The following TLN2 variants were observed in gnomAD, a reference collection of about 807,000 sequenced individuals.
TLN2 encodes talin 2.
Under a neutral mutation model 294.7 loss-of-function variants are expected in TLN2, and 118 were observed. The observed-to-expected ratio is 0.40, with a 90% CI of 0.34 to 0.47. The LOEUF (loss-of-function observed/expected upper bound fraction) is 0.47, where lower values mean the gene tolerates loss of function less well. Ranked by LOEUF, TLN2 falls within the 20% of genes least tolerant of loss-of-function variation. TLN2 has a pLI of 0.84. For missense variants in TLN2, 3,083 were observed against 3,282.2 expected (o/e 0.94, Z 1.48); for synonymous variants, 1,431 against 1,304.5 (o/e 1.10, Z -2.09).
chr15:62,825,852 T>TTATAA (rs2068126120), intron 54 of TLN2, among the ~76,000 whole-genome samples: 1 of 89,552 alleles, frequency 1.1e-5, no homozygotes, highest in Admixed American at 1.7e-4. Flanking sequence ...TATAAATATA[T>TTATAA]TATATATATA....
chr15:62,552,499 T>C (rs1201970709), intron 1 of TLN2, among the ~76,000 whole-genome samples: 2 of 152,202 alleles, frequency 1.3e-5, no homozygotes, highest in African/African-American at 4.8e-5. Context: ...GTTTTAGCTC[T>C]CATACTGTAC....
intron 40 of TLN2, 135 bp downstream of exon 40, chr15:62,763,830 T>C: frequency 7.6e-7 from 1 of 1,321,298 alleles, no homozygotes; most frequent in Non-Finnish European, 1.0e-6. Flanking sequence ...ACAGCCATTC[T>C]CTGTGGAGCC....
Position 62,655,986 on chromosome 15 carries a change from T to G in TLN2, c.560T>G (p.Val187Gly). 2 of 1,614,008 alleles carry G rather than the reference T, an allele frequency of 1.2e-6. No homozygotes were observed. The highest frequency in any genetic ancestry group is 1.7e-6 in the Non-Finnish European group (2 of 1,179,994). Residue 187 changes from valine (V) to glycine (G), a missense_variant, in exon 8 of 59, where the codon GTA (valine) becomes GGA (glycine). Transcript: ENST00000636159. The part of the protein sequence containing the change: ...DHSRTFREQG[V>G]DENETLLLRR... ...AGCCGAACATTCAGAGAACAAGGAG[T>G]AGATGAAAACGAAACGTTGCTGCTT...
chr15:62,764,132 G>C (rs2062845581), intron 40 of TLN2, among the ~76,000 whole-genome samples: 2 of 152,204 alleles, frequency 1.3e-5, no homozygotes, highest in Admixed American at 6.5e-5. Context: ...GGTCTGTTCA[G>C]AGATCAAGGA....
At chr15:62,560,348 C>A (rs556661097) in intron 1 of TLN2, among the ~76,000 whole-genome samples, 1 of 152,142 alleles carries the variant, frequency 6.6e-6, no homozygotes, top group Non-Finnish European at 1.5e-5. Context: ...TCAAGTGATT[C>A]TGCTGCCTCA....
chr15:62,701,978 C>T lies in TLN2; in HGVS notation c.1697-14C>T. 1.2e-6 allele frequency: 2 copies of T among 1,613,604 alleles called. No individual in the cohort carries two copies. The highest frequency in any genetic ancestry group is 1.7e-6 in the Non-Finnish European group (2 of 1,179,936). ...GTGCCCTCCTTTGATGGGGATGGTT[C>T]TTTTCTGTGCCAGGTGACCCTGCAG... On this transcript the variant is annotated splice_polypyrimidine_tract_variant and intron_variant, in intron 17 of 58. Coordinates refer to ENST00000636159, the MANE Select transcript of TLN2 (RefSeq NM_015059.3).
chr15:62,825,888 T>A (rs2141225431), intron 54 of TLN2, among the ~76,000 whole-genome samples: 1 of 115,258 alleles, frequency 8.7e-6, no homozygotes, highest in East Asian at 2.2e-4. Flanking sequence ...ATATAATAAG[T>A]CAGGCATGGT....
At chr15:62,737,540 A>C (rs1172227233) in intron 29 of TLN2, among the ~76,000 whole-genome samples, 1 of 152,236 alleles carries the variant, frequency 6.6e-6, no homozygotes, top group East Asian at 1.9e-4. Flanking sequence ...GCATCCAGGC[A>C]GAGTCCTGGA....
chr15:62,773,541 C>G (rs150085549), intron 42 of TLN2, among the ~76,000 whole-genome samples: 1 of 152,054 alleles, frequency 6.6e-6, no homozygotes, highest in African/African-American at 2.4e-5. Context: ...CAACCCTTTC[C>G]TTAGAAGCCT....
chr15:62,724,968 G>C lies in TLN2; in HGVS notation c.3127-8G>C, dbSNP rs954548982. 5.0e-6 allele frequency: 8 copies of C among 1,608,004 alleles called. No individual in the cohort carries two copies. The highest frequency in any genetic ancestry group is 6.8e-6 in the Non-Finnish European group (8 of 1,177,052). ...ACTGGGTATACATATTTCCAACTCT[G>C]TTGGCAGGCCCATGAAGCTTGTGGT... On this transcript the variant is annotated splice_polypyrimidine_tract_variant and splice_region_variant and intron_variant, in intron 26 of 58. Coordinates refer to ENST00000636159, the MANE Select transcript of TLN2 (RefSeq NM_015059.3).
chr15:62,562,074 GAT>G (rs2043013044), intron 1 of TLN2, among the ~76,000 whole-genome samples: 2 of 151,996 alleles, frequency 1.3e-5, no homozygotes, highest in South Asian at 4.1e-4. Flanking sequence ...TCAAATTCGC[GAT>G]ACCTGGCACA....
In TLN2 at chr15:62,753,923, G is replaced by A. The variant is rs1382454898; in HGVS notation, c.4476+7G>A. On this transcript the variant is annotated splice_region_variant and intron_variant, in intron 36 of 58. Transcript: ENST00000636159. The stretch of plus-strand genomic sequence containing the variant: ...TGGCAGCAGCCCATCACAGGTAACT[G>A]TTGGGGAGGATGTAAGATTTCAAGC... 1 of 1,580,536 alleles carries A rather than the reference G, an allele frequency of 6.3e-7. No individual in the cohort carries two copies. Among genetic ancestry groups the A allele is most frequent in the South Asian group, 1.2e-5 (1 of 86,134 alleles).
At chr15:62,644,199 G>C (rs914661935) in intron 3 of TLN2, among the ~76,000 whole-genome samples, 3 of 112,592 alleles carry the variant, frequency 2.7e-5, no homozygotes, top group Non-Finnish European at 5.0e-5. Context: ...CAATTTGCCA[G>C]ATTCAGTTGC....
intron 1 of TLN2, among the ~76,000 whole-genome samples, chr15:62,467,420 T>G (rs1051591146): frequency 2.0e-5 from 3 of 152,222 alleles, no homozygotes; most frequent in African/African-American, 7.2e-5. Flanking sequence ...AGGCCGGCTG[T>G]GGTGGCTCAC....
At chr15:62,740,504 A>C (rs138114387) in intron 31 of TLN2, 126 bp from the exon 32 acceptor site, 1 of 1,265,046 alleles carries the variant, frequency 7.9e-7, no homozygotes, top group African/African-American at 1.5e-5. Flanking sequence ...TCTGCGGGCT[A>C]ACTGGGTTTA....
chr15:62,643,797 C>T (rs185688392), intron 3 of TLN2, among the ~76,000 whole-genome samples: 6 of 152,160 alleles, frequency 3.9e-5, no homozygotes, highest in Admixed American at 3.3e-4. Context: ...GGGTCCTTTC[C>T]GTGAACCCAG....
At chr15:62,534,882 C>T (rs920852577) in intron 1 of TLN2, among the ~76,000 whole-genome samples, 3 of 152,102 alleles carry the variant, frequency 2.0e-5, no homozygotes, top group Admixed American at 2.0e-4. Context: ...AGGCAGTTGC[C>T]TCTGTTCTTT....
chr15:62,620,355 C>G (rs1008797479), intron 3 of TLN2, among the ~76,000 whole-genome samples: 5 of 152,056 alleles, frequency 3.3e-5, no homozygotes, highest in Non-Finnish European at 5.9e-5. Context: ...GCATCCTATA[C>G]CACTGGAAGA....
chr15:62,400,713 A>G (rs1043853747), intron 1 of TLN2, among the ~76,000 whole-genome samples: 1 of 152,174 alleles, frequency 6.6e-6, no homozygotes, highest in African/African-American at 2.4e-5. Context: ...TTGTGTCACA[A>G]TCTGATCATT....
Sources: allele counts gnomAD v4.1 joint callset (sites outside exome capture counted in the v4.1 genomes callset), GRCh38; gene constraint gnomAD v4.1.1; transcripts MANE v1.5; gene names NCBI Gene and HGNC (gene_info 2026-07-23, HGNC 2026-07-21).